Variants in IRS2 observed in about 807,000 individuals in gnomAD.
IRS2 encodes the protein insulin receptor substrate 2.
In IRS2, 28 loss-of-function variants were observed where a neutral mutation model predicts 70.9. The observed-to-expected ratio is 0.39, with a 90% CI of 0.29 to 0.54. IRS2 has a LOEUF of 0.54. Ranked by LOEUF, IRS2 falls within the 20% of genes least tolerant of loss-of-function variation. IRS2 has a pLI of 0.59. For missense variants in IRS2, 2,081 were observed against 2,024.1 expected (o/e 1.03, Z -0.54); for synonymous variants, 1,217 against 981.9 (o/e 1.24, Z -4.48).
intron 1 of IRS2, among the ~76,000 whole-genome samples, chr13:109,765,052 C>T (rs1352345338): frequency 2.0e-5 from 3 of 152,134 alleles, no homozygotes; most frequent in Non-Finnish European, 4.4e-5. Flanking sequence ...AACATGAATC[C>T]CTTGCCACGT....
chr13:109,771,672 C>T (rs185689746), intron 1 of IRS2, among the ~76,000 whole-genome samples: 2 of 152,156 alleles, frequency 1.3e-5, no homozygotes, highest in Non-Finnish European at 2.9e-5. Context: ...AAAGTGAATA[C>T]CTACTATCAT....
chr13:109,769,111 G>A (rs1421267584), intron 1 of IRS2, among the ~76,000 whole-genome samples: 11 of 152,080 alleles, frequency 7.2e-5, no homozygotes, highest in South Asian at 2.1e-4. Context: ...GTACCTCAGC[G>A]TCTTCATTCC....
chr13:109,773,776 G>A (rs1877510882), intron 1 of IRS2, among the ~76,000 whole-genome samples: 1 of 152,156 alleles, frequency 6.6e-6, no homozygotes, highest in African/African-American at 2.4e-5. Context: ...GATGAAGAAA[G>A]TTACTAAAAT....
chr13:109,772,600 G>T (rs901583987), intron 1 of IRS2, among the ~76,000 whole-genome samples: 2 of 152,098 alleles, frequency 1.3e-5, no homozygotes, highest in Non-Finnish European at 2.9e-5. Context: ...AGGAGGTACT[G>T]TCTCTTGATG....
intron 1 of IRS2, among the ~76,000 whole-genome samples, chr13:109,763,897 T>C (rs967871243): frequency 6.6e-6 from 1 of 152,246 alleles, no homozygotes; most frequent in African/African-American, 2.4e-5. Context: ...TCATTTCAAC[T>C]GGACCTTTTT....
chr13:109,753,159 C>T lies in IRS2; in HGVS notation c.*3145G>A, dbSNP rs1330834196. On this transcript the variant is annotated 3_prime_UTR_variant, in exon 2 of 2. Coordinates refer to ENST00000375856, the MANE Select transcript of IRS2 (RefSeq NM_003749.3). Reference sequence around the variant, plus strand: ...TATTTTTAGTAGAGACGGGGTTTCTCCATGTTGGTCAGGCTTGTCTCGAAC... The same window carrying T: ...TATTTTTAGTAGAGACGGGGTTTCTTCATGTTGGTCAGGCTTGTCTCGAAC... 6.6e-6 allele frequency: 1 copy of T among 152,068 alleles called. No homozygotes were observed. The highest frequency in any genetic ancestry group is 2.4e-5 in the African/African-American group (1 of 41,382). 9.4% of individuals were successfully genotyped at this position (152,068 alleles called of 1,614,324 possible).
intron 1 of IRS2, among the ~76,000 whole-genome samples, chr13:109,775,945 C>T (rs1258838257): frequency 6.6e-6 from 1 of 152,068 alleles, no homozygotes; most frequent in Non-Finnish European, 1.5e-5. Context: ...GTCAGGAGAT[C>T]GAGACCAGCC....
Position 109,783,309 on chromosome 13 carries a change from G to C in IRS2, c.2745C>G (p.Ser915Arg). ...AGTCGATGTTGATGTACTCGCCGGG[G>C]CTCTTGGGCTCCGGTGGCAGTGGGT... ...HEYPLPPEPK[S>R]PGEYINIDFG... is the part of the protein sequence containing the mutation. Residue 915 changes from serine (S) to arginine (R), a missense_variant, in exon 1 of 2, where the codon AGC becomes AGG. Physicochemically the swap from Ser to Arg is moderately radical, Grantham distance 110. This residue lies in a region of IRS2 where 1,615 missense variants were observed against 1,459.5 expected (regional missense o/e 1.11). Transcript: ENST00000375856. 24 of 1,547,330 alleles carry C rather than the reference G, an allele frequency of 1.6e-5. No homozygotes were observed. The highest frequency in any genetic ancestry group is 2.0e-5 in the Non-Finnish European group (23 of 1,156,380).
rs757679921 is a variant in IRS2, at chr13:109,782,529, G to T, written c.3525C>A (p.Ala1175=). 20 of 1,557,098 alleles carry T rather than the reference G, an allele frequency of 1.3e-5. No homozygotes were observed. The South Asian group carries it at 2.2e-4, about 17-fold the overall frequency. The part of the protein sequence containing the change: ...FAHNPKRHNS[A]SVENVSLRKS... ...TCCTGAGAGAGACATTTTCCACGGA[G>T]GCCGAGTTGTGGCGCTTGGGGTTGT... Residue 1175 remains alanine, a synonymous_variant, in exon 1 of 2, where the codon GCC becomes GCA. Coordinates refer to ENST00000375856, the MANE Select transcript of IRS2 (RefSeq NM_003749.3).
At chr13:109,772,772 T>G (rs539496358) in intron 1 of IRS2, among the ~76,000 whole-genome samples, 1 of 150,186 alleles carries the variant, frequency 6.7e-6, no homozygotes, top group Non-Finnish European at 1.5e-5. Flanking sequence ...CTCGGCTCAC[T>G]GCAAGCTCCG....
rs542926575 is a variant in IRS2, at chr13:109,755,815, C to T, written c.*489G>A. 3.5e-4 allele frequency: 80 copies of T among 225,932 alleles called. No homozygotes were observed. Among genetic ancestry groups the T allele is most frequent in the Admixed American group, 1.2e-3 (24 of 19,510 alleles). 14.0% of individuals were successfully genotyped at this position (225,932 alleles called of 1,614,324 possible). On this transcript the variant is annotated 3_prime_UTR_variant, in exon 2 of 2. Transcript: ENST00000375856. The stretch of plus-strand genomic sequence containing the variant: ...ACTACAGGAGGTCCTGTGGGACCCC[C>T]GCCACGGAAATCCGGCTTTACCTTG...
chr13:109,773,729 C>A lies in IRS2; in HGVS notation c.4012+8313G>T, dbSNP rs74930884. Reference sequence around the variant, plus strand: ...TTTCTTCATTAAGGAATTCTGCATTCTCTATTTCTGGCTTTCAGGGTTTCT... The same window carrying A: ...TTTCTTCATTAAGGAATTCTGCATTATCTATTTCTGGCTTTCAGGGTTTCT... On this transcript the variant is annotated intron_variant, in intron 1 of 1. Coordinates refer to ENST00000375856, the MANE Select transcript of IRS2 (RefSeq NM_003749.3). 1.2e-4 allele frequency among the ~76,000 whole-genome samples: 18 copies of A among 152,336 alleles called. No homozygotes were observed. The East Asian group carries it at 3.5e-3, about 29-fold the overall frequency.
In IRS2 at chr13:109,785,187, C is replaced by T. The variant is rs766385612; in HGVS notation, c.867G>A (p.Glu289=). 1.1e-5 allele frequency: 17 copies of T among 1,602,936 alleles called. No individual in the cohort carries two copies. The East Asian group carries it at 3.4e-4, about 32-fold the overall frequency. The change falls in exon 1 of 2, where the codon GAG becomes GAA. Residue 289 remains glutamate (E), a synonymous_variant. Coordinates refer to ENST00000375856, the MANE Select transcript of IRS2 (RefSeq NM_003749.3). The surrounding 1 kb of genome is among the most constrained non-coding windows in gnomAD (Gnocchi z 9.3). The stretch of plus-strand genomic sequence containing the variant: ...AGAGCTCCTTGAGCGCCTTCATGGC[C>T]TCCAGGATGGTCTCGTGGATGTTCT... ...VAQNIHETIL[E]AMKALKELFE...
At chr13:109,779,548 C>A (rs1206894635) in intron 1 of IRS2, among the ~76,000 whole-genome samples, 1 of 152,172 alleles carries the variant, frequency 6.6e-6, no homozygotes, top group African/African-American at 2.4e-5. Context: ...TCTCAACGGA[C>A]CACAACTTTG....
At chr13:109,776,634 T>C (rs986744757) in intron 1 of IRS2, among the ~76,000 whole-genome samples, 4 of 152,248 alleles carry the variant, frequency 2.6e-5, no homozygotes, top group African/African-American at 7.2e-5. Flanking sequence ...CAACTCTTTC[T>C]ACACTAACCT....
Position 109,785,640 on chromosome 13 carries a change from C to A in IRS2, c.414G>T (p.Ala138=), listed in dbSNP as rs748786376. The A allele has an allele frequency of 5.8e-6, 9 of 1,549,522 alleles. No individual in the cohort carries two copies. Among genetic ancestry groups the A allele is most frequent in the Non-Finnish European group, 6.9e-6 (8 of 1,152,926 alleles). The part of the protein sequence containing the change: ...NEQEQEGWYR[A]LTDLVSEGRA... ...GGCCCTCGCTGACCAGGTCGGTGAG[C>A]GCGCGGTACCAGCCCTCCTGCTCCT... Residue 138 remains alanine (A), a synonymous_variant, in exon 1 of 2, where the codon GCG becomes GCT. Coordinates refer to ENST00000375856, the MANE Select transcript of IRS2 (RefSeq NM_003749.3). The surrounding 1 kb of genome is among the most constrained non-coding windows in gnomAD (Gnocchi z 9.3).
chr13:109,783,513 G>C lies in IRS2; in HGVS notation c.2541C>G (p.Pro847=), dbSNP rs1456050792. 5.8e-6 allele frequency: 9 copies of C among 1,547,722 alleles called. No individual in the cohort carries two copies. The highest frequency in any genetic ancestry group is 7.9e-6 in the Non-Finnish European group (9 of 1,146,168). Residue 847 remains proline, a synonymous_variant, in exon 1 of 2, where the codon CCC becomes CCG. Transcript: ENST00000375856. ...ERLEPQATPG[P]SQAASAFGAG... Reference sequence around the variant, plus strand: ...CCCCGAAGGCGCTGGCCGCCTGGCTGGGCCCTGGCGTGGCCTGAGGCTCCA... The same window carrying C: ...CCCCGAAGGCGCTGGCCGCCTGGCTCGGCCCTGGCGTGGCCTGAGGCTCCA...
At chr13:109,780,185 C>T (rs894264298) in intron 1 of IRS2, among the ~76,000 whole-genome samples, 8 of 152,176 alleles carry the variant, frequency 5.3e-5, no homozygotes, top group African/African-American at 1.9e-4. Context: ...GAATCAGATT[C>T]GGGTAAGATG....
Position 109,784,801 on chromosome 13 carries a change from A to G in IRS2, c.1253T>C (p.Leu418Pro), listed in dbSNP as rs2138936820. 7.9e-7 allele frequency: 1 copy of G among 1,268,290 alleles called. No homozygotes were observed. 78.6% of individuals were successfully genotyped at this position (1,268,290 alleles called of 1,614,324 possible). A position where few individuals can be genotyped will look rare whatever the true frequency, so the allele number is the denominator to read the frequency against. Residue 418 changes from leucine (L) to proline (P), a missense_variant, in exon 1 of 2, where the codon CTG becomes CCG. This residue lies in a region of IRS2 where 1,615 missense variants were observed against 1,459.5 expected (regional missense o/e 1.11). Transcript: ENST00000375856. This position sits in a 1 kb window ranked among gnomAD's most constrained non-coding sequence, Gnocchi z 5.2. ...TTGCAGCGCGCCCCCTGCCGGCAGC[A>G]GCGCCACCTTGCTCCCGCGGCCGCC... ...GCGGRGSKVA[L>P]LPAGGALQHS...
Sources: allele counts gnomAD v4.1 joint callset (sites outside exome capture counted in the v4.1 genomes callset), GRCh38; gene constraint gnomAD v4.1.1; regional missense constraint gnomAD v4.1.1; non-coding constraint Gnocchi (gnomAD v3.1); transcripts MANE v1.5; gene names NCBI Gene and HGNC (gene_info 2026-07-23, HGNC 2026-07-21).